TBCEL: variants seen among roughly 807,000 people sequenced by gnomAD.
TBCEL encodes tubulin folding cofactor E like, also known as tubulin-specific chaperone cofactor E-like protein.
In TBCEL, 15 loss-of-function variants were observed where a neutral mutation model predicts 44.2. That is an observed-to-expected ratio of 0.34 (90% CI 0.23 to 0.52). The LOEUF is 0.52. Among genes scored for constraint, TBCEL ranks in the 20% least tolerant of loss-of-function variants. The pLI, the probability that TBCEL is intolerant of heterozygous loss-of-function variation, is 0.95. For missense variants in TBCEL, 319 were observed against 506.3 expected (o/e 0.63, Z 3.55); for synonymous variants, 171 against 185.4 (o/e 0.92, Z 0.63).
At chr11:121,066,774 T>C (rs970900920) in intron 8 of TBCEL, among the ~76,000 whole-genome samples, 1 of 152,162 alleles carries the variant, frequency 6.6e-6, no homozygotes, top group Non-Finnish European at 1.5e-5. Context: ...ATATCCATAA[T>C]CTCTCCCTAA....
chr11:121,062,095 T>A (rs1945735500), intron 8 of TBCEL, among the ~76,000 whole-genome samples: 1 of 151,982 alleles, frequency 6.6e-6, no homozygotes, highest in Admixed American at 6.6e-5. Context: ...TTTTTTTAAT[T>A]GAAAATGAAG....
In TBCEL at chr11:121,090,527, T is replaced by C. The variant is rs569383257; in HGVS notation, c.*3431T>C. 3 of 152,248 alleles carry C rather than the reference T, an allele frequency of 2.0e-5. No homozygotes were observed. Among genetic ancestry groups the C allele is most frequent in the Non-Finnish European group, 2.9e-5 (2 of 68,004 alleles). 9.4% of individuals were successfully genotyped at this position (152,248 alleles called of 1,614,324 possible). A position where few individuals can be genotyped will look rare whatever the true frequency, so the allele number is the denominator to read the frequency against. ...CAGAAGCTATCTGTGTTACCAGATG[T>C]GTTGTGAACACTCTACTATTTTTCA... On this transcript the variant is annotated 3_prime_UTR_variant, in exon 9 of 9. Transcript: ENST00000683345.
At chr11:121,082,326 G>A (rs1430069489) in intron 8 of TBCEL, among the ~76,000 whole-genome samples, 5 of 152,182 alleles carry the variant, frequency 3.3e-5, no homozygotes. Context: ...CAGAATGGTG[G>A]CAGAATTCTC....
At position 121,090,704 on chromosome 11, in the gene TBCEL, G is replaced by A. The variant is rs1031648637; in HGVS notation, c.*3608G>A. ...TTTAGAATATAATTTAAACATGAAG[G>A]TCTATTCTTTGCACTTTTTATTAAT... On this transcript the variant is annotated 3_prime_UTR_variant, in exon 9 of 9. Transcript: ENST00000683345. The A allele has an allele frequency of 6.7e-6, 1 of 149,510 alleles. No individual in the cohort carries two copies. The highest frequency in any genetic ancestry group is 1.5e-5 in the Non-Finnish European group (1 of 67,484). 9.3% of individuals were successfully genotyped at this position (149,510 alleles called of 1,614,324 possible).
intron 2 of TBCEL, among the ~76,000 whole-genome samples, chr11:121,043,347 A>C (rs563270902): frequency 6.6e-6 from 1 of 152,336 alleles, no homozygotes; most frequent in South Asian, 2.1e-4. Context: ...TTTATAATGT[A>C]ATGGTAGAGA....
chr11:121,025,090 A>G (rs568431430), intron 1 of TBCEL, among the ~76,000 whole-genome samples: 2 of 152,300 alleles, frequency 1.3e-5, no homozygotes, highest in South Asian at 2.1e-4. Context: ...AGTTGAGGAA[A>G]GTTGGTTGGA....
At chr11:121,031,522 G>T (rs1440377892) in intron 1 of TBCEL, among the ~76,000 whole-genome samples, 1 of 151,574 alleles carries the variant, frequency 6.6e-6, no homozygotes. Context: ...TTTCCTATTA[G>T]GTTGTCTTCC....
intron 6 of TBCEL, among the ~76,000 whole-genome samples, chr11:121,055,974 C>T (rs1457118933): frequency 6.9e-6 from 1 of 144,882 alleles, no homozygotes; most frequent in Non-Finnish European, 1.5e-5. Flanking sequence ...AGTCAATGAA[C>T]CTATGTTGAT....
intron 1 of TBCEL, among the ~76,000 whole-genome samples, chr11:121,034,328 C>A (rs1384265592): frequency 6.6e-6 from 1 of 152,104 alleles, no homozygotes; most frequent in Non-Finnish European, 1.5e-5. Flanking sequence ...GTACAAAAAT[C>A]ATATATTCAG....
intron 8 of TBCEL, among the ~76,000 whole-genome samples, chr11:121,084,859 A>C (rs764211498): frequency 6.6e-6 from 1 of 152,000 alleles, no homozygotes; most frequent in Non-Finnish European, 1.5e-5. Context: ...CTAGACTTTG[A>C]ATCATCTTAC....
intron 2 of TBCEL, among the ~76,000 whole-genome samples, chr11:121,037,230 G>C (rs1010702721): frequency 6.6e-6 from 1 of 152,200 alleles, no homozygotes; most frequent in Non-Finnish European, 1.5e-5. Flanking sequence ...GGTGTGTTAT[G>C]ATAAGGGATT....
At position 121,038,701 on chromosome 11, in the gene TBCEL, C is replaced by T. The variant is rs369806856; in HGVS notation, c.-18+2089C>T. Reference sequence around the variant, plus strand: ...GCTTTGTTTTCTTAGTTTTTGCTGACCTCCCCCGACCCCCTGCAAATTCAG... The same window carrying T: ...GCTTTGTTTTCTTAGTTTTTGCTGATCTCCCCCGACCCCCTGCAAATTCAG... On this transcript the variant is annotated intron_variant, in intron 2 of 8. Transcript: ENST00000683345. Among the ~76,000 whole-genome samples the T allele has an allele frequency of 3.1e-4, 47 of 152,064 alleles. 2 individuals are homozygous for T. Among genetic ancestry groups the T allele is most frequent in the East Asian group, 2.7e-3 (14 of 5,198 alleles).
At chr11:121,036,824 C>T (rs569025013) in intron 2 of TBCEL, among the ~76,000 whole-genome samples, 2 of 152,210 alleles carry the variant, frequency 1.3e-5, no homozygotes, top group South Asian at 4.2e-4. Context: ...TCTAAAGTGC[C>T]TTATATGCAA....
intron 1 of TBCEL, among the ~76,000 whole-genome samples, chr11:121,029,971 A>G (rs1208339413): frequency 6.6e-6 from 1 of 152,220 alleles, no homozygotes; most frequent in South Asian, 2.1e-4. Flanking sequence ...CTGCTGGAGA[A>G]CAAACACTGA....
chr11:121,048,583 C>T (rs1945474800), intron 4 of TBCEL, among the ~76,000 whole-genome samples: 1 of 151,814 alleles, frequency 6.6e-6, no homozygotes, highest in Non-Finnish European at 1.5e-5. Flanking sequence ...CTGGATCCAG[C>T]TTTATTCTGT....
chr11:121,051,114 G>A lies in TBCEL; in HGVS notation c.274-2437G>A, dbSNP rs180981440. Among the ~76,000 whole-genome samples the A allele has an allele frequency of 7.3e-5, 11 of 151,504 alleles. No homozygotes were observed. In the East Asian group the frequency reaches 2.1e-3, roughly 30 times the overall value. On this transcript the variant is annotated intron_variant, in intron 4 of 8. Transcript: ENST00000683345. Reference sequence around the variant, plus strand: ...AAATATTCATTTATTTCTAACATTTGTTATTTTTCCTGCTTGAATGATTAA... The same window carrying A: ...AAATATTCATTTATTTCTAACATTTATTATTTTTCCTGCTTGAATGATTAA...
In TBCEL at chr11:121,053,738, C is replaced by T. The variant is rs780127272; in HGVS notation, c.455+6C>T. 1 of 1,611,146 alleles carries T rather than the reference C, an allele frequency of 6.2e-7. No individual in the cohort carries two copies. Among genetic ancestry groups the T allele is most frequent in the East Asian group, 2.2e-5 (1 of 44,774 alleles). On this transcript the variant is annotated splice_donor_region_variant and intron_variant, in intron 5 of 8. Transcript: ENST00000683345. ...ATACTACAGGAGTTACCAGAGTAAG[C>T]CCAGAGAGCATGAGGGCGAGGGAGT...
intron 8 of TBCEL, among the ~76,000 whole-genome samples, chr11:121,060,963 A>T (rs1645544121): frequency 6.6e-6 from 1 of 151,998 alleles, no homozygotes; most frequent in Admixed American, 6.6e-5. Context: ...TTTTCCCCCC[A>T]AAGTTCTCTA....
chr11:121,057,960 A>C (rs778252794), intron 6 of TBCEL, among the ~76,000 whole-genome samples: 11 of 151,814 alleles, frequency 7.2e-5, no homozygotes, highest in Non-Finnish European at 1.5e-4. Context: ...GTTTTATTCC[A>C]TGAGTCTATA....
Sources: allele counts gnomAD v4.1 joint callset (sites outside exome capture counted in the v4.1 genomes callset), GRCh38; gene constraint gnomAD v4.1.1; transcripts MANE v1.5; gene names NCBI Gene and HGNC (gene_info 2026-07-23, HGNC 2026-07-21).